The following KIF21A variants were observed in gnomAD, a reference collection of about 807,000 sequenced individuals.
KIF21A encodes the protein kinesin-like protein KIF21A.
Under a neutral mutation model 202.9 loss-of-function variants are expected in KIF21A, and 114 were observed. That is an observed-to-expected ratio of 0.56 (90% CI 0.48 to 0.66). The LOEUF (loss-of-function observed/expected upper bound fraction) is 0.66. KIF21A is among the 30% of genes least tolerant of loss of function. KIF21A has a pLI of 0.00. For synonymous variants in KIF21A, 667 were observed against 670.8 expected, an observed-to-expected ratio of 0.99 and a Z score of 0.09; for missense variants, 1,677 against 1,994.9, an observed-to-expected ratio of 0.84 and a Z score of 3.04.
At chr12:39,420,159 T>C (rs1954133664) in intron 1 of KIF21A, among the ~76,000 whole-genome samples, 1 of 150,586 alleles carries the variant, frequency 6.6e-6, no homozygotes, top group African/African-American at 2.4e-5. Context: ...GTCACAGATA[T>C]GTGATACTTC....
intron 1 of KIF21A, among the ~76,000 whole-genome samples, chr12:39,406,256 C>G (rs982571752): frequency 5.9e-5 from 9 of 152,110 alleles, no homozygotes; most frequent in African/African-American, 2.2e-4. Flanking sequence ...GAAAACATCT[C>G]AAGGTCATTA....
intron 1 of KIF21A, among the ~76,000 whole-genome samples, chr12:39,370,585 C>A (rs1394404107): frequency 6.6e-6 from 1 of 152,084 alleles, no homozygotes; most frequent in Admixed American, 6.5e-5. Flanking sequence ...ATAAATTCTG[C>A]TACCAAAATG....
At chr12:39,347,171 A>T (rs1181033048) in intron 11 of KIF21A, among the ~76,000 whole-genome samples, 1 of 151,558 alleles carries the variant, frequency 6.6e-6, no homozygotes, top group Non-Finnish European at 1.5e-5. Context: ...TCACACTGGG[A>T]TTAAAGAGTT....
chr12:39,375,101 T>A (rs1950187984), intron 1 of KIF21A, among the ~76,000 whole-genome samples: 1 of 152,172 alleles, frequency 6.6e-6, no homozygotes, highest in Non-Finnish European at 1.5e-5. Context: ...TCAGGAAATG[T>A]CTTAAAAGTG....
rs76945652 is a variant in KIF21A, at chr12:39,394,098, T to G, written c.45-23837A>C. 6.5e-4 allele frequency among the ~76,000 whole-genome samples: 99 copies of G among 152,326 alleles called. No individual in the cohort carries two copies. The East Asian group carries it at 0.013, about 20-fold the overall frequency. ...ATCCATTAGTCCTCCTCATTTTGAA[T>G]GCTTGGTTTCATCTCTTTTTCATTC... On this transcript the variant is annotated intron_variant, in intron 1 of 37. Coordinates refer to ENST00000361418, the MANE Select transcript of KIF21A (RefSeq NM_001173464.2).
intron 1 of KIF21A, among the ~76,000 whole-genome samples, chr12:39,406,357 C>T (rs563302376): frequency 6.6e-6 from 1 of 152,158 alleles, no homozygotes; most frequent in Non-Finnish European, 1.5e-5. Flanking sequence ...CTGCCCAATG[C>T]CAAAAGAAGT....
chr12:39,359,674 G>A (rs1949057098), intron 7 of KIF21A, among the ~76,000 whole-genome samples: 1 of 152,154 alleles, frequency 6.6e-6, no homozygotes, highest in South Asian at 2.1e-4. Context: ...AACTTGAAGT[G>A]TGGTCCCCAG....
intron 23 of KIF21A, 53 bp downstream of exon 23, chr12:39,330,693 A>C (rs1946433816): frequency 6.4e-7 from 1 of 1,559,854 alleles, no homozygotes; most frequent in East Asian, 2.2e-5. Flanking sequence ...TACCATGTTC[A>C]AAAAGCAAAG....
At chr12:39,365,109 C>T (rs1949507496) in intron 6 of KIF21A, among the ~76,000 whole-genome samples, 1 of 152,148 alleles carries the variant, frequency 6.6e-6, no homozygotes, top group Non-Finnish European at 1.5e-5. Flanking sequence ...CAGAAGACAG[C>T]AAGAAGAATC....
At chr12:39,339,497 C>T (rs984682793) in intron 16 of KIF21A, among the ~76,000 whole-genome samples, 15 of 152,052 alleles carry the variant, frequency 9.9e-5, no homozygotes, top group African/African-American at 3.1e-4. Flanking sequence ...AATGAAATCA[C>T]CTAAAAATGC....
chr12:39,370,283 GA>G (rs768587274), intron 1 of KIF21A, 22 bp from the exon 2 acceptor site: 17 of 1,540,208 alleles, frequency 1.1e-5, no homozygotes, highest in African/African-American at 5.7e-5. Flanking sequence ...AATCAGAAAA[GA>G]AAAAAATAAA....
At chr12:39,304,194 G>A (rs1943236797) in intron 35 of KIF21A, among the ~76,000 whole-genome samples, 1 of 152,140 alleles carries the variant, frequency 6.6e-6, no homozygotes. Flanking sequence ...TTTCTAGAAT[G>A]AGTACTTACA....
intron 25 of KIF21A, 25 bp from the exon 26 acceptor site, chr12:39,325,918 A>G (rs1320206290): frequency 3.2e-6 from 5 of 1,586,518 alleles, no homozygotes; most frequent in Non-Finnish European, 4.3e-6. Flanking sequence ...ATAATTAAGC[A>G]CAAGATTAAA....
chr12:39,384,350 C>G (rs1214582340), intron 1 of KIF21A, among the ~76,000 whole-genome samples: 1 of 152,130 alleles, frequency 6.6e-6, no homozygotes, highest in Admixed American at 6.5e-5. Flanking sequence ...GGTTTCTAGA[C>G]TTTGCAAAGT....
chr12:39,398,176 C>T (rs1951897880), intron 1 of KIF21A, among the ~76,000 whole-genome samples: 2 of 152,304 alleles, frequency 1.3e-5, no homozygotes, highest in African/African-American at 4.8e-5. Context: ...AGGAAATTTA[C>T]ACTCTACATT....
At chr12:39,346,893 C>T (rs926835326) in intron 11 of KIF21A, among the ~76,000 whole-genome samples, 2 of 151,692 alleles carry the variant, frequency 1.3e-5, no homozygotes, top group African/African-American at 4.8e-5. Flanking sequence ...CTCTTTCAAG[C>T]CTTTACAGAA....
At chr12:39,299,015 C>A (rs1592006874) in intron 37 of KIF21A, among the ~76,000 whole-genome samples, 2 of 152,156 alleles carry the variant, frequency 1.3e-5, no homozygotes, top group South Asian at 4.2e-4. Context: ...GTAAGTAGAA[C>A]TAATTTTTTA....
chr12:39,391,306 A>T (rs943921309), intron 1 of KIF21A, among the ~76,000 whole-genome samples: 8 of 150,818 alleles, frequency 5.3e-5, no homozygotes, highest in African/African-American at 1.5e-4. Flanking sequence ...CAATAAAAAA[A>T]ATTTTTTTTT....
intron 35 of KIF21A, among the ~76,000 whole-genome samples, chr12:39,303,894 T>G (rs995231836): frequency 6.6e-6 from 1 of 152,158 alleles, no homozygotes; most frequent in African/African-American, 2.4e-5. Context: ...TTTTAGACAC[T>G]CTTCTCCATT....
Sources: allele counts gnomAD v4.1 joint callset (sites outside exome capture counted in the v4.1 genomes callset), GRCh38; gene constraint gnomAD v4.1.1; transcripts MANE v1.5; gene names NCBI Gene and HGNC (gene_info 2026-07-23, HGNC 2026-07-21).